The following AIG1 variants were observed in gnomAD, a reference collection of about 807,000 sequenced individuals.
AIG1 encodes androgen induced 1.
Under a neutral mutation model 31.4 loss-of-function variants are expected in AIG1, and 23 were observed. The observed-to-expected ratio is 0.73, with a 90% CI of 0.53 to 1.04. AIG1 has a LOEUF of 1.04. Ranked by LOEUF, AIG1 falls within the 50% of genes least tolerant of loss-of-function variation. The pLI is 0.00. For synonymous variants in AIG1, 100 were observed against 110.5 expected, an observed-to-expected ratio of 0.90 and a Z score of 0.60; for missense variants, 274 against 295.0, an observed-to-expected ratio of 0.93 and a Z score of 0.52.
intron 3 of AIG1, among the ~76,000 whole-genome samples, chr6:143,168,713 G>C (rs958584317): frequency 5.3e-5 from 8 of 151,888 alleles, no homozygotes; most frequent in Non-Finnish European, 7.4e-5. Flanking sequence ...TGAGGTGGGG[G>C]GATTGCTTGA....
At position 143,280,684 on chromosome 6, in the gene AIG1, A is replaced by G. The variant is rs984629681; in HGVS notation, c.400-3426A>G. 1.3e-5 allele frequency among the ~76,000 whole-genome samples: 2 copies of G among 152,218 alleles called. No homozygotes were observed. The highest frequency in any genetic ancestry group is 2.9e-5 in the Non-Finnish European group (2 of 68,040). On this transcript the variant is annotated intron_variant, in intron 3 of 5. Coordinates refer to ENST00000357847, the MANE Select transcript of AIG1 (RefSeq NM_016108.4). The surrounding 1 kb of genome is among the most constrained non-coding windows in gnomAD (Gnocchi z 4.1). ...GGAGCTAAATGATAAGAACTTATGA[A>G]CACAAAGAAGGAAATAACAGACACT...
rs904169079 is a variant in AIG1 at position 143,294,748 on chromosome 6, A to AC, written c.515+10530dup. ...TTTCAGCAATTTGATACTAAAACAA[A>AC]CCCCCCCTCTTCCTGATACACTCTG... On this transcript the variant is annotated intron_variant, in intron 4 of 5. Coordinates refer to ENST00000357847, the MANE Select transcript of AIG1 (RefSeq NM_016108.4). Among the ~76,000 whole-genome samples, 4 of 150,448 alleles carry AC rather than the reference A, an allele frequency of 2.7e-5. No individual in the cohort carries two copies. In the East Asian group the frequency reaches 5.9e-4, roughly 22 times the overall value.
chr6:143,079,581 A>T (rs1447585647), intron 1 of AIG1, among the ~76,000 whole-genome samples: 1 of 152,212 alleles, frequency 6.6e-6, no homozygotes, highest in East Asian at 1.9e-4. Flanking sequence ...TGGCACCAGA[A>T]GCCTACATAT....
chr6:143,159,815 C>T (rs182157717), intron 2 of AIG1, among the ~76,000 whole-genome samples: 99 of 152,250 alleles, frequency 6.5e-4, no homozygotes, highest in African/African-American at 2.2e-3. Context: ...CCATCAGAGA[C>T]GAAGCCAGAT....
At chr6:143,221,472 G>T (rs1792508637) in intron 3 of AIG1, among the ~76,000 whole-genome samples, 1 of 151,850 alleles carries the variant, frequency 6.6e-6, no homozygotes, top group Non-Finnish European at 1.5e-5. Flanking sequence ...ATCTTGTATG[G>T]CTCATAACTT....
intron 3 of AIG1, among the ~76,000 whole-genome samples, chr6:143,201,037 G>A (rs556591547): frequency 9.2e-5 from 14 of 151,976 alleles, no homozygotes; most frequent in South Asian, 6.2e-4. Flanking sequence ...ATCAGTCATC[G>A]CCATCTACCT....
intron 3 of AIG1, among the ~76,000 whole-genome samples, chr6:143,175,214 T>A (rs1788030158): frequency 6.6e-6 from 1 of 152,238 alleles, no homozygotes; most frequent in Non-Finnish European, 1.5e-5. Context: ...TACCTGATGC[T>A]TTTGCCTCAC....
At chr6:143,176,225 A>T (rs1212428744) in intron 3 of AIG1, among the ~76,000 whole-genome samples, 1 of 151,686 alleles carries the variant, frequency 6.6e-6, no homozygotes, top group East Asian at 1.9e-4. Flanking sequence ...AGAGAAGTGG[A>T]CTCCATGAGG....
chr6:143,233,448 A>C (rs972940182), intron 3 of AIG1, among the ~76,000 whole-genome samples: 3 of 152,102 alleles, frequency 2.0e-5, no homozygotes, highest in African/African-American at 7.2e-5. Flanking sequence ...GTTAAAAGGC[A>C]AACCATAGAC....
At chr6:143,123,194 T>C (rs1015908128) in intron 1 of AIG1, among the ~76,000 whole-genome samples, 7 of 152,192 alleles carry the variant, frequency 4.6e-5, no homozygotes, top group African/African-American at 1.7e-4. Context: ...GCTATATTAA[T>C]TCTGTAATTG....
rs558581971 is a variant in AIG1 at position 143,165,437 on chromosome 6, G to A, written c.399+254G>A. Reference sequence around the variant, plus strand: ...GATTATTAAGGTTGGTGTGTCAGTGGTGTTAAATAATATAATTAGCCAATT... The same window carrying A: ...GATTATTAAGGTTGGTGTGTCAGTGATGTTAAATAATATAATTAGCCAATT... On this transcript the variant is annotated intron_variant, in intron 3 of 5. Transcript: ENST00000357847. Among the ~76,000 whole-genome samples the A allele has an allele frequency of 1.8e-4, 27 of 152,272 alleles. No individual in the cohort carries two copies. The South Asian group carries it at 2.1e-3, about 12-fold the overall frequency.
intron 3 of AIG1, among the ~76,000 whole-genome samples, chr6:143,213,312 G>A (rs139151844): frequency 6.6e-5 from 10 of 152,128 alleles, no homozygotes; most frequent in African/African-American, 2.4e-4. Flanking sequence ...ATATCCTGTT[G>A]CTGACTTCAA....
chr6:143,333,237 A>G lies in AIG1; in HGVS notation c.516-45A>G, dbSNP rs1031717602. 4 of 1,551,286 alleles carry G rather than the reference A, an allele frequency of 2.6e-6. No homozygotes were observed. Among genetic ancestry groups the G allele is most frequent in the South Asian group, 2.5e-5 (2 of 80,732 alleles). Reference sequence around the variant, plus strand: ...CATCATAGCAGCTTTGATGCCTGCCATAAGAGTGACTCCTGTCCTTGTCTC... The same window carrying G: ...CATCATAGCAGCTTTGATGCCTGCCGTAAGAGTGACTCCTGTCCTTGTCTC... On this transcript the variant is annotated intron_variant, in intron 4 of 5. Transcript: ENST00000357847. This position sits in a 1 kb window ranked among gnomAD's most constrained non-coding sequence, Gnocchi z 4.6.
chr6:143,202,274 A>G (rs887424427), intron 3 of AIG1, among the ~76,000 whole-genome samples: 4 of 152,250 alleles, frequency 2.6e-5, no homozygotes, highest in East Asian at 3.9e-4. Flanking sequence ...TAAAATTCTA[A>G]CCAAGTTTTT....
intron 3 of AIG1, among the ~76,000 whole-genome samples, chr6:143,236,922 T>C (rs1793849385): frequency 6.6e-6 from 1 of 152,216 alleles, no homozygotes; most frequent in Non-Finnish European, 1.5e-5. Context: ...GCTACATGTT[T>C]TATGTTCATG....
chr6:143,137,599 C>G (rs186844944), intron 2 of AIG1, among the ~76,000 whole-genome samples: 1 of 152,336 alleles, frequency 6.6e-6, no homozygotes, highest in Admixed American at 6.5e-5. Flanking sequence ...TAGCTACTAT[C>G]ACTGAAGTAA....
chr6:143,244,690 G>T (rs1442021946), intron 3 of AIG1, among the ~76,000 whole-genome samples: 1 of 152,236 alleles, frequency 6.6e-6, no homozygotes, highest in African/African-American at 2.4e-5. Flanking sequence ...CTGGAGAGCT[G>T]ATTTAACTGC....
chr6:143,136,547 T>A (rs776215506), intron 1 of AIG1, among the ~76,000 whole-genome samples: 6 of 152,216 alleles, frequency 3.9e-5, no homozygotes, highest in Non-Finnish European at 8.8e-5. Flanking sequence ...CCCTGCTGGT[T>A]TGATCGTTGA....
chr6:143,067,653 T>C (rs1242487335), intron 1 of AIG1, among the ~76,000 whole-genome samples: 1 of 152,252 alleles, frequency 6.6e-6, no homozygotes, highest in Non-Finnish European at 1.5e-5. Context: ...AGTTCATGAC[T>C]TAATTTTAAA....
Sources: gnomAD v4.1 joint callset for allele counts (sites outside exome capture counted in the v4.1 genomes callset) on GRCh38, gnomAD v4.1.1 for gene constraint, Gnocchi (gnomAD v3.1) non-coding constraint, MANE v1.5 for transcripts, NCBI Gene and HGNC (gene_info 2026-07-23, HGNC 2026-07-21) for gene names.